Variants in FHIT observed in about 807,000 individuals in gnomAD.
FHIT encodes the protein fragile histidine triad diadenosine triphosphatase, also known as bis(5'-adenosyl)-triphosphatase.
In FHIT, 19 loss-of-function variants were observed where a neutral mutation model predicts 17.9. The observed-to-expected ratio is 1.06, with a 90% CI of 0.74 to 1.56. The LOEUF (loss-of-function observed/expected upper bound fraction) is 1.56, where lower values mean the gene tolerates loss of function less well. Among genes scored for constraint, FHIT ranks in the 40% most tolerant of loss-of-function variants. The pLI, the probability that FHIT is intolerant of heterozygous loss-of-function variation, is 0.00. For missense variants in FHIT, 248 were observed against 189.2 expected (o/e 1.31, Z -1.82); for synonymous variants, 81 against 69.7 (o/e 1.16, Z -0.81).
intron 7 of FHIT, among the ~76,000 whole-genome samples, chr3:59,932,578 A>T (rs1348511560): frequency 6.6e-5 from 10 of 152,314 alleles, no homozygotes; most frequent in Admixed American, 6.5e-4. Context: ...GTGGCTTAAG[A>T]GAATGTACCC....
At chr3:60,948,130 T>C (rs1562523) in intron 3 of FHIT, among the ~76,000 whole-genome samples, 1 of 151,866 alleles carries the variant, frequency 6.6e-6, no homozygotes, top group Non-Finnish European at 1.5e-5. Flanking sequence ...TTTTCCTTAA[T>C]TGTCCTCACT....
chr3:60,657,119 G>A (rs1260762523), intron 4 of FHIT, among the ~76,000 whole-genome samples: 1 of 152,180 alleles, frequency 6.6e-6, no homozygotes, highest in Non-Finnish European at 1.5e-5. Flanking sequence ...GGGAGGATAT[G>A]AAATGTAGCT....
chr3:59,954,665 T>C (rs1454020006), intron 7 of FHIT, among the ~76,000 whole-genome samples: 1 of 152,200 alleles, frequency 6.6e-6, no homozygotes, highest in Non-Finnish European at 1.5e-5. Flanking sequence ...CTTTGCTAAA[T>C]GAATGCATGT....
intron 5 of FHIT, among the ~76,000 whole-genome samples, chr3:60,050,617 C>T (rs1373122442): frequency 4.6e-5 from 7 of 152,150 alleles, no homozygotes; most frequent in Non-Finnish European, 1.0e-4. Context: ...ATGCAGTCCA[C>T]AGAATCCAGG....
intron 3 of FHIT, among the ~76,000 whole-genome samples, chr3:60,936,074 T>A (rs78693890): frequency 6.6e-6 from 1 of 152,102 alleles, no homozygotes; most frequent in Non-Finnish European, 1.5e-5. Context: ...TGAAAGTCAG[T>A]CAATCACTCA....
chr3:60,990,588 A>G (rs929879136), intron 3 of FHIT, among the ~76,000 whole-genome samples: 2 of 152,224 alleles, frequency 1.3e-5, no homozygotes, highest in Non-Finnish European at 2.9e-5. Flanking sequence ...TAGTATTTTT[A>G]TAATAAGCAA....
intron 8 of FHIT, among the ~76,000 whole-genome samples, chr3:59,831,603 A>T (rs530516674): frequency 6.6e-4 from 101 of 152,226 alleles, no homozygotes; most frequent in African/African-American, 2.4e-3. Flanking sequence ...TCATGCGATA[A>T]GACTGTCTGT....
intron 5 of FHIT, among the ~76,000 whole-genome samples, chr3:60,125,861 A>G (rs1474675976): frequency 6.6e-6 from 1 of 152,152 alleles, no homozygotes; most frequent in Non-Finnish European, 1.5e-5. Flanking sequence ...AATCTAATCC[A>G]ACTACCCATG....
intron 4 of FHIT, among the ~76,000 whole-genome samples, chr3:60,728,759 G>A (rs1323637638): frequency 2.0e-5 from 3 of 151,652 alleles, no homozygotes; most frequent in Non-Finnish European, 4.4e-5. Flanking sequence ...GTCCTAAGGT[G>A]AAACAATCAC....
At chr3:60,715,346 A>C (rs1222198952) in intron 4 of FHIT, among the ~76,000 whole-genome samples, 2 of 152,136 alleles carry the variant, frequency 1.3e-5, no homozygotes, top group Non-Finnish European at 2.9e-5. Flanking sequence ...CACTATTCGC[A>C]ATAGCAAAGA....
At chr3:60,098,754 G>T (rs569870327) in intron 5 of FHIT, among the ~76,000 whole-genome samples, 1 of 152,068 alleles carries the variant, frequency 6.6e-6, no homozygotes, top group South Asian at 2.1e-4. Flanking sequence ...AAACTTTATT[G>T]TAAGAAAACA....
chr3:60,417,097 A>G (rs1702279327), intron 5 of FHIT, among the ~76,000 whole-genome samples: 1 of 151,196 alleles, frequency 6.6e-6, no homozygotes, highest in South Asian at 2.1e-4. Context: ...TCAGAAAGAA[A>G]AAAAAAAAAA....
chr3:59,943,445 T>C (rs182675300), intron 7 of FHIT, among the ~76,000 whole-genome samples: 107 of 152,256 alleles, frequency 7.0e-4, no homozygotes, highest in African/African-American at 2.2e-3. Flanking sequence ...TTACTTGAAA[T>C]GCCTCCCTTC....
At chr3:60,093,835 A>C (rs555617863) in intron 5 of FHIT, among the ~76,000 whole-genome samples, 2 of 152,340 alleles carry the variant, frequency 1.3e-5, no homozygotes, top group East Asian at 3.9e-4. Context: ...ATTGTCTTCC[A>C]TGAAACAAGG....
chr3:60,908,272 T>C (rs1166774209), intron 3 of FHIT, among the ~76,000 whole-genome samples: 1 of 152,176 alleles, frequency 6.6e-6, no homozygotes, highest in African/African-American at 2.4e-5. Context: ...GTCATGAGTA[T>C]TATCTTTAAA....
chr3:60,371,929 T>C (rs1700348965), intron 5 of FHIT, among the ~76,000 whole-genome samples: 2 of 151,986 alleles, frequency 1.3e-5, no homozygotes, highest in Non-Finnish European at 2.9e-5. Context: ...AATTCTAATT[T>C]ATTTTCCCAA....
chr3:60,473,403 T>C (rs547582707), intron 5 of FHIT, among the ~76,000 whole-genome samples: 1 of 152,086 alleles, frequency 6.6e-6, no homozygotes, highest in Non-Finnish European at 1.5e-5. Flanking sequence ...AATCTGAATT[T>C]AGGATATGGA....
rs535316893 is a variant in FHIT, at chr3:59,748,944, G to A, written c.*641C>T. On this transcript the variant is annotated 3_prime_UTR_variant, in exon 10 of 10. Transcript: ENST00000492590. The stretch of plus-strand genomic sequence containing the variant: ...TCATGTCTGCCTCTGTGCATGTTGA[G>A]AATTGTGCAGTTTTGCAGAGTGAGC... Among the ~76,000 whole-genome samples the A allele has an allele frequency of 6.6e-6, 1 of 152,150 alleles. No individual in the cohort carries two copies. Among genetic ancestry groups the A allele is most frequent in the Non-Finnish European group, 1.5e-5 (1 of 68,032 alleles).
At chr3:60,211,703 T>G (rs185890772) in intron 5 of FHIT, among the ~76,000 whole-genome samples, 1 of 152,268 alleles carries the variant, frequency 6.6e-6, no homozygotes, top group African/African-American at 2.4e-5. Context: ...TATGATGGTA[T>G]CATTAAGTGC....
Sources: gnomAD v4.1 joint callset for allele counts (sites outside exome capture counted in the v4.1 genomes callset) on GRCh38, gnomAD v4.1.1 for gene constraint, MANE v1.5 for transcripts, NCBI Gene and HGNC (gene_info 2026-07-23, HGNC 2026-07-21) for gene names.